Variants in PATJ observed in about 807,000 individuals in gnomAD.
PATJ encodes the protein PATJ crumbs cell polarity complex component, also known as inaD-like protein.
Under a neutral mutation model 224.9 loss-of-function variants are expected in PATJ, and 190 were observed. That is an observed-to-expected ratio of 0.84 (90% CI 0.75 to 0.95). The LOEUF (loss-of-function observed/expected upper bound fraction) is 0.95, where lower values mean the gene tolerates loss of function less well. Among genes scored for constraint, PATJ ranks in the 40% least tolerant of loss-of-function variants. The probability of loss-of-function intolerance (pLI) is 0.00; values close to 1 mark genes in which losing one functional copy is unlikely to be tolerated. For missense variants in PATJ, 2,121 were observed against 2,270.3 expected, an observed-to-expected ratio of 0.93 and a Z score of 1.34; for synonymous variants, 769 against 820.3, an observed-to-expected ratio of 0.94 and a Z score of 1.07.
chr1:62,023,063 G>T (rs1647178223), intron 29 of PATJ, among the ~76,000 whole-genome samples: 1 of 152,154 alleles, frequency 6.6e-6, no homozygotes, highest in Non-Finnish European at 1.5e-5. Flanking sequence ...GCCCAGGCAG[G>T]CAGATCATCT....
intron 23 of PATJ, among the ~76,000 whole-genome samples, chr1:61,900,816 C>A (rs1207259566): frequency 6.6e-6 from 1 of 152,158 alleles, no homozygotes; most frequent in African/African-American, 2.4e-5. Context: ...GTCTCGATCT[C>A]CTGACCTCGT....
chr1:62,024,680 AC>A (rs1647473931), intron 29 of PATJ, among the ~76,000 whole-genome samples: 1 of 82,814 alleles, frequency 1.2e-5, no homozygotes, highest in Admixed American at 1.3e-4. Flanking sequence ...ACACACACAC[AC>A]ACACACACAC....
rs545259301 is a variant in PATJ, at chr1:61,820,643, A to G, written c.1684-2302A>G. 2.6e-5 allele frequency among the ~76,000 whole-genome samples: 4 copies of G among 152,308 alleles called. No homozygotes were observed. The East Asian group carries it at 5.8e-4, about 22-fold the overall frequency. ...AGGTGTGAGCTACCACACCCGGCCT[A>G]CATTTATTTTTATTAATTGTAACTT... is the stretch of plus-strand genomic sequence containing the variant. On this transcript the variant is annotated intron_variant, in intron 14 of 43. Coordinates refer to ENST00000642238, the MANE Select transcript of PATJ (RefSeq NM_001350145.3).
At chr1:61,793,625 G>A (rs1049007310) in intron 9 of PATJ, among the ~76,000 whole-genome samples, 4 of 151,386 alleles carry the variant, frequency 2.6e-5, no homozygotes, top group Admixed American at 2.6e-4. Context: ...AGGCTGAGGT[G>A]GGATCGCTTG....
At chr1:61,770,802 C>G (rs867511188) in intron 5 of PATJ, among the ~76,000 whole-genome samples, 1 of 151,340 alleles carries the variant, frequency 6.6e-6, no homozygotes, top group Admixed American at 6.6e-5. Flanking sequence ...CTCAGCTACT[C>G]GTGAGACTGA....
In PATJ at chr1:62,161,291, G is replaced by T; in HGVS notation, c.*237G>T. 1 of 310,460 alleles carries T rather than the reference G, an allele frequency of 3.2e-6. No homozygotes were observed. Among genetic ancestry groups the T allele is most frequent in the Non-Finnish European group, 5.9e-6 (1 of 169,800 alleles). 19.2% of individuals were successfully genotyped at this position (310,460 alleles called of 1,614,324 possible). A position where few individuals can be genotyped will look rare whatever the true frequency, so the allele number is the denominator to read the frequency against. ...CGAGGTTGATTTCTAAAACTTAAAT[G>T]AGTCTACCTGTTTTGCATTTAATTT... On this transcript the variant is annotated 3_prime_UTR_variant, in exon 44 of 44. Coordinates refer to ENST00000642238, the MANE Select transcript of PATJ (RefSeq NM_001350145.3).
intron 1 of PATJ, among the ~76,000 whole-genome samples, chr1:61,745,214 C>A (rs1364212757): frequency 6.6e-6 from 1 of 152,308 alleles, no homozygotes; most frequent in South Asian, 2.1e-4. Context: ...AGGACCCCTT[C>A]TTATGGGGGT....
intron 27 of PATJ, among the ~76,000 whole-genome samples, chr1:61,944,917 A>G (rs1034120865): frequency 6.6e-6 from 1 of 152,248 alleles, no homozygotes; most frequent in Admixed American, 6.5e-5. Flanking sequence ...GTGGGTGCCA[A>G]TATTCAACAT....
chr1:61,783,050 C>G (rs1647673899), intron 7 of PATJ, among the ~76,000 whole-genome samples: 1 of 152,264 alleles, frequency 6.6e-6, no homozygotes, highest in African/African-American at 2.4e-5. Context: ...TGGAACCAAG[C>G]AAGGGTTTGA....
intron 27 of PATJ, among the ~76,000 whole-genome samples, chr1:61,936,496 C>A (rs1328838364): frequency 6.7e-6 from 1 of 148,352 alleles, no homozygotes; most frequent in Non-Finnish European, 1.5e-5. Context: ...TACAGATGGT[C>A]ATATAATTGT....
intron 26 of PATJ, among the ~76,000 whole-genome samples, chr1:61,920,059 C>G (rs1267730836): frequency 6.6e-6 from 1 of 152,004 alleles, no homozygotes; most frequent in South Asian, 2.1e-4. Flanking sequence ...ATGATTGCCC[C>G]TTTTGATACT....
intron 28 of PATJ, chr1:62,013,487 G>A (rs1415798405): frequency 1.3e-5 from 13 of 985,298 alleles, no homozygotes; most frequent in Middle Eastern, 5.2e-4. Context: ...ACCACCTAGA[G>A]GAGGATGTTG....
intron 27 of PATJ, among the ~76,000 whole-genome samples, chr1:61,953,524 G>T (rs764226809): frequency 5.3e-5 from 8 of 152,172 alleles, no homozygotes; most frequent in Non-Finnish European, 8.8e-5. Flanking sequence ...TTTTGATTTG[G>T]AGGAAATGCT....
intron 27 of PATJ, among the ~76,000 whole-genome samples, chr1:61,957,965 C>T (rs1680674488): frequency 6.6e-6 from 1 of 151,048 alleles, no homozygotes; most frequent in Non-Finnish European, 1.5e-5. Context: ...ATGCTACCTA[C>T]CTAATAAGGT....
At chr1:62,058,232 A>G (rs1448095041) in intron 31 of PATJ, among the ~76,000 whole-genome samples, 1 of 152,162 alleles carries the variant, frequency 6.6e-6, no homozygotes, top group Non-Finnish European at 1.5e-5. Flanking sequence ...GAGGTAACTT[A>G]CCAGTAACCT....
intron 12 of PATJ, among the ~76,000 whole-genome samples, chr1:61,803,263 C>T (rs554953501): frequency 3.8e-4 from 58 of 152,090 alleles, no homozygotes; most frequent in African/African-American, 1.4e-3. Flanking sequence ...CTATGCTTGG[C>T]ATAACTGGGC....
intron 31 of PATJ, chr1:62,073,417 G>A: frequency 4.8e-6 from 3 of 628,250 alleles, no homozygotes; most frequent in South Asian, 7.1e-5. Flanking sequence ...GAGGTCAGGA[G>A]TTCCAGACCA....
chr1:62,038,852 C>A (rs1650940451), intron 30 of PATJ: 1 of 736,424 alleles, frequency 1.4e-6, no homozygotes, highest in South Asian at 1.4e-5. Flanking sequence ...ATGGAGGCGA[C>A]CTTGGAGCAG....
At chr1:62,125,244 AAAAAAAAAAC>A (rs1386837746) in intron 39 of PATJ, among the ~76,000 whole-genome samples, 24 of 115,202 alleles carry the variant, frequency 2.1e-4, no homozygotes, top group South Asian at 2.6e-4. Context: ...CTCAAAAAAA[AAAAAAAAAAC>A]AAAAAAAAAC....
Sources: gnomAD v4.1 joint callset for allele counts (sites outside exome capture counted in the v4.1 genomes callset) on GRCh38, gnomAD v4.1.1 for gene constraint, MANE v1.5 for transcripts, NCBI Gene and HGNC (gene_info 2026-07-23, HGNC 2026-07-21) for gene names.